CNTN5: variants seen among roughly 807,000 people sequenced by gnomAD.
The protein encoded by CNTN5 is contactin-5.
CNTN5 carries 77 observed loss-of-function variants against 129.1 expected under a neutral mutation model. The ratio of observed to expected loss-of-function variants is 0.60; its 90% CI spans 0.50 to 0.72. The LOEUF is 0.72. Among genes scored for constraint, CNTN5 ranks in the 30% least tolerant of loss-of-function variants. The probability of loss-of-function intolerance (pLI) is 0.00; values close to 1 mark genes in which losing one functional copy is unlikely to be tolerated. For missense variants in CNTN5, 1,478 were observed against 1,328.8 expected (o/e 1.11, Z -1.75); for synonymous variants, 509 against 465.6 (o/e 1.09, Z -1.20).
chr11:99,502,246 T>A (rs560787821), intron 2 of CNTN5, among the ~76,000 whole-genome samples: 1 of 152,346 alleles, frequency 6.6e-6, no homozygotes, highest in African/African-American at 2.4e-5. Flanking sequence ...ACCTCATTTG[T>A]ATTTATTTAG....
At chr11:99,310,993 G>A (rs536146828) in intron 1 of CNTN5, among the ~76,000 whole-genome samples, 19 of 152,024 alleles carry the variant, frequency 1.2e-4, no homozygotes, top group Middle Eastern at 3.4e-3. Context: ...ATGCGGTGGT[G>A]CTGTCTTGGC....
intron 6 of CNTN5, among the ~76,000 whole-genome samples, chr11:99,845,564 G>A (rs1016701714): frequency 4.6e-5 from 7 of 151,630 alleles, no homozygotes; most frequent in African/African-American, 1.5e-4. Flanking sequence ...AGTAGAGACG[G>A]GGTTTCACCG....
chr11:99,249,478 G>C (rs1433912451), intron 1 of CNTN5, among the ~76,000 whole-genome samples: 1 of 151,908 alleles, frequency 6.6e-6, no homozygotes, highest in Admixed American at 6.6e-5. Context: ...TGTGACCATT[G>C]AACAAATTAA....
rs200737491 is a variant in CNTN5 at position 99,517,937 on chromosome 11, T to C, written c.-70-38208T>C. On this transcript the variant is annotated intron_variant, in intron 2 of 24. Transcript: ENST00000524871. Reference sequence around the variant, plus strand: ...ATTTCTTGGGACATCATAGGCATTGTATTTCTTATTTTGTTTGTAAAGGAA... The same window carrying C: ...ATTTCTTGGGACATCATAGGCATTGCATTTCTTATTTTGTTTGTAAAGGAA... 1.1e-3 allele frequency among the ~76,000 whole-genome samples: 169 copies of C among 152,246 alleles called. 3 individuals are homozygous for C. The highest frequency in any genetic ancestry group is 4.3e-3 in the East Asian group (22 of 5,176).
intron 2 of CNTN5, among the ~76,000 whole-genome samples, chr11:99,379,790 A>T (rs1940416838): frequency 6.6e-6 from 1 of 152,162 alleles, no homozygotes; most frequent in South Asian, 2.1e-4. Context: ...TCTCTTGCAA[A>T]GCTGCTTAAA....
intron 6 of CNTN5, among the ~76,000 whole-genome samples, chr11:99,910,624 A>G (rs10894151): frequency 0.19 from 29,515 of 151,910 alleles, 3,842 homozygotes; most frequent in East Asian, 0.63. Context: ...TGATTTGCCA[A>G]CTCTATTAAA....
At chr11:99,513,259 T>C (rs930771393) in intron 2 of CNTN5, among the ~76,000 whole-genome samples, 28 of 152,272 alleles carry the variant, frequency 1.8e-4, no homozygotes, top group South Asian at 1.7e-3. Flanking sequence ...AAAGCAAAGT[T>C]TGAAGATAGC....
At chr11:99,222,038 C>T (rs1860421218) in intron 1 of CNTN5, among the ~76,000 whole-genome samples, 1 of 151,844 alleles carries the variant, frequency 6.6e-6, no homozygotes, top group Admixed American at 6.6e-5. Flanking sequence ...GTCTTTTAGA[C>T]TAATTCATCC....
At chr11:99,284,562 A>G (rs546671526) in intron 1 of CNTN5, among the ~76,000 whole-genome samples, 137 of 138,326 alleles carry the variant, frequency 9.9e-4, no homozygotes, top group African/African-American at 3.6e-3. Flanking sequence ...TCCTTTGATA[A>G]TTATTTCTTG....
chr11:99,471,080 C>G (rs1945152799), intron 2 of CNTN5, among the ~76,000 whole-genome samples: 1 of 151,874 alleles, frequency 6.6e-6, no homozygotes, highest in Non-Finnish European at 1.5e-5. Context: ...AGCACCTAGT[C>G]CCATTTCACA....
At chr11:99,237,489 C>T (rs1387217756) in intron 1 of CNTN5, among the ~76,000 whole-genome samples, 4 of 152,042 alleles carry the variant, frequency 2.6e-5, no homozygotes, top group Admixed American at 6.6e-5. Flanking sequence ...TAGACCATCC[C>T]GGCCAACATA....
intron 13 of CNTN5, among the ~76,000 whole-genome samples, chr11:100,181,249 G>T (rs933710866): frequency 1.3e-5 from 2 of 151,874 alleles, no homozygotes; most frequent in African/African-American, 4.8e-5. Flanking sequence ...ACTGATACAT[G>T]CAACAATTTG....
chr11:100,335,802 T>C (rs1384045750), intron 21 of CNTN5, among the ~76,000 whole-genome samples: 1 of 151,978 alleles, frequency 6.6e-6, no homozygotes, highest in Admixed American at 6.6e-5. Context: ...TTTAGGTTTG[T>C]CTCTATACTC....
chr11:99,689,355 G>A (rs1200969890), intron 3 of CNTN5, among the ~76,000 whole-genome samples: 2 of 151,694 alleles, frequency 1.3e-5, no homozygotes, highest in African/African-American at 2.4e-5. Flanking sequence ...GTGAAACCCC[G>A]TCTCTACTAA....
At chr11:99,348,987 C>T (rs184000317) in intron 2 of CNTN5, among the ~76,000 whole-genome samples, 21 of 152,264 alleles carry the variant, frequency 1.4e-4, no homozygotes, top group East Asian at 9.7e-4. Context: ...AAGATCCCTA[C>T]GGTCACAAAG....
intron 4 of CNTN5, among the ~76,000 whole-genome samples, chr11:99,820,785 G>T (rs1946777574): frequency 6.6e-6 from 1 of 152,218 alleles, no homozygotes. Flanking sequence ...CATCAACAAT[G>T]ATTTTAAGAC....
chr11:100,336,738 A>C, intron 21 of CNTN5: 1 of 209,270 alleles, frequency 4.8e-6, no homozygotes, highest in Non-Finnish European at 9.7e-6. Context: ...CCAGCTTAAG[A>C]ATCACTAAAG....
At chr11:99,526,098 C>CA (rs1284561720) in intron 2 of CNTN5, among the ~76,000 whole-genome samples, 19 of 152,052 alleles carry the variant, frequency 1.2e-4, no homozygotes, top group Admixed American at 1.2e-3. Flanking sequence ...CTCCTTTAAG[C>CA]AAAAAACTGT....
intron 3 of CNTN5, among the ~76,000 whole-genome samples, chr11:99,570,405 T>G (rs1227505491): frequency 6.6e-6 from 1 of 152,230 alleles, no homozygotes; most frequent in Non-Finnish European, 1.5e-5. Context: ...CAGTCGTTCT[T>G]CTAAGAAACA....
Sources: allele counts gnomAD v4.1 joint callset (sites outside exome capture counted in the v4.1 genomes callset), GRCh38; gene constraint gnomAD v4.1.1; transcripts MANE v1.5; gene names NCBI Gene and HGNC (gene_info 2026-07-23, HGNC 2026-07-21).